USP24: variants seen among roughly 807,000 people sequenced by gnomAD.
The protein encoded by USP24 is ubiquitin carboxyl-terminal hydrolase 24.
Under a neutral mutation model 361.6 loss-of-function variants are expected in USP24, and 97 were observed. The observed-to-expected ratio is 0.27, with a 90% CI of 0.23 to 0.32. USP24 has a LOEUF of 0.32. Among genes scored for constraint, USP24 ranks in the 10% least tolerant of loss-of-function variants. The pLI is 1.00. For synonymous variants in USP24, 1,098 were observed against 1,124.6 expected, an observed-to-expected ratio of 0.98 and a Z score of 0.47; for missense variants, 2,353 against 3,165.6, an observed-to-expected ratio of 0.74 and a Z score of 6.16.
chr1:55,103,856 T>C lies in USP24; in HGVS notation c.5025+20A>G. 3 of 1,600,096 alleles carry C rather than the reference T, an allele frequency of 1.9e-6. No individual in the cohort carries two copies. Among genetic ancestry groups the C allele is most frequent in the South Asian group, 2.3e-5 (2 of 88,816 alleles). On this transcript the variant is annotated intron_variant, in intron 42 of 67. Coordinates refer to ENST00000294383, the MANE Select transcript of USP24 (RefSeq NM_015306.3). ...GATCATTCTAAAAAAATTAAGTTCA[T>C]CAACGTCTAGAAAACCTACATCAAA... is the stretch of plus-strand genomic sequence containing the variant.
intron 1 of USP24, among the ~76,000 whole-genome samples, chr1:55,190,847 A>G (rs1268985613): frequency 5.3e-5 from 8 of 152,194 alleles, no homozygotes; most frequent in Admixed American, 5.2e-4. Context: ...AGTTTAAAGG[A>G]AATCGTGCTC....
At chr1:55,101,509 A>G in intron 43 of USP24, 75 bp downstream of exon 43, 1 of 1,539,846 alleles carries the variant, frequency 6.5e-7, no homozygotes, top group East Asian at 2.4e-5. Flanking sequence ...CAAAAGCAAT[A>G]AAAAACTATG....
At chr1:55,202,931 A>G (rs1644614540) in intron 1 of USP24, among the ~76,000 whole-genome samples, 1 of 152,226 alleles carries the variant, frequency 6.6e-6, no homozygotes, top group Non-Finnish European at 1.5e-5. Flanking sequence ...GATAAACTAT[A>G]GAATCAACAC....
In USP24 at chr1:55,092,065, T is replaced by C; in HGVS notation, c.6512A>G (p.Gln2171Arg). 6.2e-7 allele frequency: 1 copy of C among 1,612,580 alleles called. No individual in the cohort carries two copies. The highest frequency in any genetic ancestry group is 8.5e-7 in the Non-Finnish European group (1 of 1,179,260). Residue 2171 changes from glutamine to arginine, a missense_variant, in exon 54 of 68, where the codon CAA becomes CGA. Coordinates refer to ENST00000294383, the MANE Select transcript of USP24 (RefSeq NM_015306.3). ...MAKVSLQLAI[Q>R]FLFQTYLRTK... ...CCGTAGATAAGTTTGAAAAAGGAAT[T>C]GAATAGCAAGCTGTAAGCTCACCTT...
At chr1:55,208,131 A>G (rs2454214) in intron 1 of USP24, among the ~76,000 whole-genome samples, 102,036 of 152,084 alleles carry the variant, frequency 0.67, 36,944 homozygotes, top group East Asian at 0.91. Flanking sequence ...ATATTCCATT[A>G]ACCAGCTTAA....
chr1:55,109,948 T>C (rs926811139), intron 39 of USP24, among the ~76,000 whole-genome samples: 4 of 152,196 alleles, frequency 2.6e-5, no homozygotes, highest in Non-Finnish European at 5.9e-5. Context: ...TATGAGCCTT[T>C]GACAATTTAA....
chr1:55,206,923 T>A (rs982328304), intron 1 of USP24, among the ~76,000 whole-genome samples: 9 of 152,044 alleles, frequency 5.9e-5, no homozygotes, highest in Admixed American at 5.9e-4. Flanking sequence ...TCTCAGCACT[T>A]GAGGAGGCTG....
At chr1:55,197,365 A>C (rs796337401) in intron 1 of USP24, among the ~76,000 whole-genome samples, 16 of 152,310 alleles carry the variant, frequency 1.1e-4, no homozygotes, top group African/African-American at 3.8e-4. Flanking sequence ...ATTAGGATAT[A>C]AGCTCCAACA....
chr1:55,093,088 C>T (rs1438615812), intron 52 of USP24, among the ~76,000 whole-genome samples, 172 bp from the exon 53 acceptor site: 1 of 152,076 alleles, frequency 6.6e-6, no homozygotes. Flanking sequence ...GAGAGAAAAC[C>T]TTCCTTTGAC....
chr1:55,103,938 T>C lies in USP24; in HGVS notation c.4963A>G (p.Ile1655Val). 6.2e-7 allele frequency: 1 copy of C among 1,612,348 alleles called. No individual in the cohort carries two copies. The change falls in exon 42 of 68, where the codon ATT becomes GTT. Residue 1655 changes from isoleucine to valine, a missense_variant. By Grantham distance (29) the Ile-to-Val change is conservative (BLOSUM62 3). Around this residue, in one of 8 missense-constraint regions of USP24, gnomAD observed 949 missense variants for 1,280.5 expected, o/e 0.74. Coordinates refer to ENST00000294383, the MANE Select transcript of USP24 (RefSeq NM_015306.3). Reference sequence around the variant, plus strand: ...TGCATAGAAAGCAGTTCTTTTATAATAATTTGAAGATTTGAAGGTGAACTA... The same window carrying C: ...TGCATAGAAAGCAGTTCTTTTATAACAATTTGAAGATTTGAAGGTGAACTA... ...ADSSPSNLQIIIKELLSMHHQ... is the reference protein window; with the variant it reads ...ADSSPSNLQIVIKELLSMHHQ...
At chr1:55,156,390 C>A (rs1570567136) in intron 12 of USP24, among the ~76,000 whole-genome samples, 1 of 150,582 alleles carries the variant, frequency 6.6e-6, no homozygotes, top group Non-Finnish European at 1.5e-5. Flanking sequence ...TTGAAAAAAA[C>A]AAATAAAGTC....
chr1:55,073,876 C>G lies in USP24; in HGVS notation c.7478G>C (p.Ser2493Thr), dbSNP rs1414328954. ...ALMHHSNHVD[S>T]SRCYQCVKFL... The stretch of plus-strand genomic sequence containing the variant: ...TTTGACACACTGGTAGCAGCGACTA[C>G]TGTCCACATGATTACTGTGGTGCAT... Residue 2493 changes from serine to threonine, a missense_variant, in exon 64 of 68, where the codon AGT (serine) becomes ACT (threonine). Transcript: ENST00000294383. 7.0e-6 allele frequency: 11 copies of G among 1,581,288 alleles called. No individual in the cohort carries two copies. Among genetic ancestry groups the G allele is most frequent in the Non-Finnish European group, 9.5e-6 (11 of 1,162,946 alleles).
At chr1:55,094,696 T>TAAAAAAAAAA (rs35026432) in intron 51 of USP24, among the ~76,000 whole-genome samples, 1 of 109,014 alleles carries the variant, frequency 9.2e-6, no homozygotes, top group Non-Finnish European at 1.8e-5. Context: ...CTGCTAACAT[T>TAAAAAAAAAA]AAAAAAAAAA....
At chr1:55,133,103 C>A (rs1325728902) in intron 30 of USP24, among the ~76,000 whole-genome samples, 1 of 152,028 alleles carries the variant, frequency 6.6e-6, no homozygotes, top group Non-Finnish European at 1.5e-5. Flanking sequence ...TAGTTTTATC[C>A]TTTAAATTAG....
At chr1:55,094,213 T>G (rs1645442858) in intron 51 of USP24, 126 bp from the exon 52 acceptor site, 1 of 915,040 alleles carries the variant, frequency 1.1e-6, no homozygotes, top group African/African-American at 1.7e-5. Context: ...TATCGAAACA[T>G]AAAACTGTAC....
At chr1:55,194,659 C>T (rs1001232391) in intron 1 of USP24, among the ~76,000 whole-genome samples, 1 of 152,056 alleles carries the variant, frequency 6.6e-6, no homozygotes, top group African/African-American at 2.4e-5. Context: ...TCAGATGAAT[C>T]TTTCTTTGTC....
chr1:55,084,774 C>A (rs563618525), intron 56 of USP24, among the ~76,000 whole-genome samples: 17 of 152,198 alleles, frequency 1.1e-4, no homozygotes, highest in Non-Finnish European at 2.1e-4. Flanking sequence ...GGGCATCAGA[C>A]AGAATTCACT....
At chr1:55,125,917 T>C (rs531806059) in intron 32 of USP24, among the ~76,000 whole-genome samples, 159 bp from the exon 33 acceptor site, 2 of 152,360 alleles carry the variant, frequency 1.3e-5, no homozygotes, top group African/African-American at 4.8e-5. Context: ...TAATTTCCTA[T>C]GATACCTATA....
chr1:55,132,995 G>T (rs1646634393), intron 30 of USP24, among the ~76,000 whole-genome samples: 1 of 152,088 alleles, frequency 6.6e-6, no homozygotes, highest in Non-Finnish European at 1.5e-5. Flanking sequence ...TTTAAAATTT[G>T]TATCTCTAAA....
Sources: allele counts gnomAD v4.1 joint callset (sites outside exome capture counted in the v4.1 genomes callset), GRCh38; gene constraint gnomAD v4.1.1; regional missense constraint gnomAD v4.1.1; transcripts MANE v1.5; gene names NCBI Gene and HGNC (gene_info 2026-07-23, HGNC 2026-07-21).